The following PANK3 variants were observed in gnomAD, a reference collection of about 807,000 sequenced individuals.
PANK3 encodes hPanK3.
A neutral mutation model predicts 39.4 loss-of-function variants in PANK3; 20 were observed. That is an observed-to-expected ratio of 0.51 (90% CI 0.36 to 0.74). The LOEUF is 0.74. Among genes scored for constraint, PANK3 ranks in the 30% least tolerant of loss-of-function variants. The pLI is 0.00. For synonymous variants in PANK3, 140 were observed against 157.3 expected, an observed-to-expected ratio of 0.89 and a Z score of 0.82; for missense variants, 265 against 437.0, an observed-to-expected ratio of 0.61 and a Z score of 3.51.
Position 168,557,383 on chromosome 5 carries a change from CA to C in PANK3, c.*187del. 1.7e-6 allele frequency: 1 copy of C among 586,578 alleles called. No individual in the cohort carries two copies. Among genetic ancestry groups the C allele is most frequent in the East Asian group, 2.8e-5 (1 of 35,418 alleles). The allele number at this position is 586,578 out of a possible 1,614,324, so 36.3% of individuals were successfully genotyped here. ...TTAAGGATTTAACACTGGCTATATA[CA>C]AAAGGGAAAGCATTTCAATGAGAAA... On this transcript the variant is annotated 3_prime_UTR_variant, in exon 7 of 7. Coordinates refer to ENST00000239231, the MANE Select transcript of PANK3 (RefSeq NM_024594.4).
chr5:168,560,205 C>A lies in PANK3; in HGVS notation c.937-1048G>T, dbSNP rs1166226161. 3.9e-5 allele frequency among the ~76,000 whole-genome samples: 6 copies of A among 152,302 alleles called. No individual in the cohort carries two copies. In the East Asian group the frequency reaches 1.2e-3, roughly 29 times the overall value. Reference sequence around the variant, plus strand: ...ACTAGTAACTCCATCAACCAACTAACACTTAAGTTTCTAAGTTATTAAAAA... The same window carrying A: ...ACTAGTAACTCCATCAACCAACTAAAACTTAAGTTTCTAAGTTATTAAAAA... On this transcript the variant is annotated intron_variant, in intron 5 of 6. Coordinates refer to ENST00000239231, the MANE Select transcript of PANK3 (RefSeq NM_024594.4).
intron 1 of PANK3, among the ~76,000 whole-genome samples, chr5:168,570,719 C>T (rs987969926): frequency 3.9e-5 from 6 of 152,150 alleles, no homozygotes; most frequent in African/African-American, 1.4e-4. Context: ...AAGGACCTTG[C>T]ACACTTAGCT....
At position 168,566,053 on chromosome 5, in the gene PANK3, C is replaced by T; in HGVS notation, c.595G>A (p.Val199Ile). The T allele has an allele frequency of 6.2e-7, 1 of 1,613,626 alleles. No homozygotes were observed. The highest frequency in any genetic ancestry group is 8.5e-7 in the Non-Finnish European group (1 of 1,179,802). Reference sequence around the variant, plus strand: ...CGTTTATAGTTGTCTTTGGAATGGACTGCTAAAATACTGACTCCTGAGCCA... The same window carrying T: ...CGTTTATAGTTGTCTTTGGAATGGATTGCTAAAATACTGACTCCTGAGCCA... ...NIGSGVSILA[V>I]HSKDNYKRVT... Residue 199 changes from valine (V) to isoleucine (I), a missense_variant, in exon 3 of 7, where the codon GTC becomes ATC. By Grantham distance (29) the Val-to-Ile change is conservative (BLOSUM62 3). Transcript: ENST00000239231.
At chr5:168,566,480 GAGGA>G (rs1223497904) in intron 2 of PANK3, among the ~76,000 whole-genome samples, 1 of 152,168 alleles carries the variant, frequency 6.6e-6, no homozygotes, top group Admixed American at 6.5e-5. Context: ...AAATGATGGG[GAGGA>G]AGGAAGGACC....
At position 168,549,123 on chromosome 5, in the gene PANK3, C is replaced by T. The variant is rs1288892942; in HGVS notation, c.*8448G>A. On this transcript the variant is annotated 3_prime_UTR_variant, in exon 7 of 7. Transcript: ENST00000239231. ...CTGTAGTTTAAATAAAAAGTAAAAG[C>T]ACACAGTGTATAAAAAATAATAAAA... 2 of 152,126 alleles carry T rather than the reference C, an allele frequency of 1.3e-5. No individual in the cohort carries two copies. Among genetic ancestry groups the T allele is most frequent in the African/African-American group, 4.8e-5 (2 of 41,420 alleles). 9.4% of individuals were successfully genotyped at this position (152,126 alleles called of 1,614,324 possible).
Position 168,549,605 on chromosome 5 carries a change from C to A in PANK3, c.*7966G>T, listed in dbSNP as rs1044224497. ...ATTCACTCCTTTGAAAAATACATTCCTCTTTTGTTCTTTTAAATGCAAAAT... is the reference window on the plus strand; with the variant it reads ...ATTCACTCCTTTGAAAAATACATTCATCTTTTGTTCTTTTAAATGCAAAAT... On this transcript the variant is annotated 3_prime_UTR_variant, in exon 7 of 7. Coordinates refer to ENST00000239231, the MANE Select transcript of PANK3 (RefSeq NM_024594.4). 6.6e-6 allele frequency: 1 copy of A among 152,096 alleles called. No individual in the cohort carries two copies. The highest frequency in any genetic ancestry group is 1.5e-5 in the Non-Finnish European group (1 of 68,010). 9.4% of individuals were successfully genotyped at this position (152,096 alleles called of 1,614,324 possible).
At chr5:168,558,054 T>C (rs1400290183) in intron 6 of PANK3, among the ~76,000 whole-genome samples, 1 of 151,612 alleles carries the variant, frequency 6.6e-6, no homozygotes, top group Non-Finnish European at 1.5e-5. Context: ...TAACTTCCTG[T>C]GGCTGTGCCT....
chr5:168,564,459 G>T (rs903860964), intron 3 of PANK3, among the ~76,000 whole-genome samples: 1 of 152,096 alleles, frequency 6.6e-6, no homozygotes, highest in Non-Finnish European at 1.5e-5. Flanking sequence ...TTGAGACAAG[G>T]TCTCACTCTG....
At position 168,557,287 on chromosome 5, in the gene PANK3, T is replaced by A; in HGVS notation, c.*284A>T. ...AGATTTGTGTTTGAGCATACAGTAC[T>A]GCAATGTTGGCTACATAAAATAAAA... On this transcript the variant is annotated 3_prime_UTR_variant, in exon 7 of 7. Transcript: ENST00000239231. 3.1e-6 allele frequency: 1 copy of A among 322,830 alleles called. No individual in the cohort carries two copies. Among genetic ancestry groups the A allele is most frequent in the Non-Finnish European group, 5.9e-6 (1 of 170,232 alleles). The allele number at this position is 322,830 out of a possible 1,614,324, so 20.0% of individuals were successfully genotyped here. A position where few individuals can be genotyped will look rare whatever the true frequency, so the allele number is the denominator to read the frequency against.
At chr5:168,572,505 G>A (rs778978673) in intron 1 of PANK3, among the ~76,000 whole-genome samples, 9 of 150,000 alleles carry the variant, frequency 6.0e-5, no homozygotes, top group Non-Finnish European at 1.3e-4. Flanking sequence ...GGCAGGGGGT[G>A]GATCTCACAA....
chr5:168,579,345 A>C lies in PANK3; in HGVS notation c.-62T>G. ...CGGGGCACTGAGAGCAGAGGCGGCG[A>C]CTCCGGAGGTGGCTGGGCCGCGCGG... On this transcript the variant is annotated 5_prime_UTR_variant, in exon 1 of 7. Coordinates refer to ENST00000239231, the MANE Select transcript of PANK3 (RefSeq NM_024594.4). 7.4e-7 allele frequency: 1 copy of C among 1,359,470 alleles called. No individual in the cohort carries two copies. The highest frequency in any genetic ancestry group is 1.9e-5 in the South Asian group (1 of 52,620). The allele number at this position is 1,359,470 out of a possible 1,614,324, so 84.2% of individuals were successfully genotyped here. A position where few individuals can be genotyped will look rare whatever the true frequency, so the allele number is the denominator to read the frequency against.
chr5:168,554,533 A>C lies in PANK3; in HGVS notation c.*3038T>G, dbSNP rs1403668310. The C allele has an allele frequency of 1.3e-5, 2 of 152,248 alleles. No homozygotes were observed. The highest frequency in any genetic ancestry group is 2.9e-5 in the Non-Finnish European group (2 of 68,036). 9.4% of individuals were successfully genotyped at this position (152,248 alleles called of 1,614,324 possible). ...CAGTTTTCTTTACCTGAAGATATGA[A>C]TGTATGAATTATTAGAGTGGTTATT... On this transcript the variant is annotated 3_prime_UTR_variant, in exon 7 of 7. Coordinates refer to ENST00000239231, the MANE Select transcript of PANK3 (RefSeq NM_024594.4).
chr5:168,553,501 G>C lies in PANK3; in HGVS notation c.*4070C>G, dbSNP rs190856337. 76 of 354,830 alleles carry C rather than the reference G, an allele frequency of 2.1e-4. No homozygotes were observed. Among genetic ancestry groups the C allele is most frequent in the Admixed American group, 1.6e-3 (44 of 27,446 alleles). The allele number at this position is 354,830 out of a possible 1,614,324, so 22.0% of individuals were successfully genotyped here. A position where few individuals can be genotyped will look rare whatever the true frequency, so the allele number is the denominator to read the frequency against. ...GAAAGGAGCCAATCATATCACCATT[G>C]GGGAAGATGGCCACAGACAAGGGCC... On this transcript the variant is annotated 3_prime_UTR_variant, in exon 7 of 7. Coordinates refer to ENST00000239231, the MANE Select transcript of PANK3 (RefSeq NM_024594.4).
chr5:168,560,909 G>A (rs1759436432), intron 5 of PANK3: 2 of 512,642 alleles, frequency 3.9e-6, no homozygotes, highest in Non-Finnish European at 8.2e-6. Flanking sequence ...TGCCTTCATA[G>A]CCCTGTACAA....
intron 1 of PANK3, among the ~76,000 whole-genome samples, chr5:168,570,126 T>G (rs1452572749): frequency 6.6e-6 from 1 of 151,994 alleles, no homozygotes; most frequent in East Asian, 1.9e-4. Flanking sequence ...CTTACGCCTG[T>G]GATCCCAGCA....
At chr5:168,568,420 C>T (rs1205760824) in intron 2 of PANK3, among the ~76,000 whole-genome samples, 1 of 152,160 alleles carries the variant, frequency 6.6e-6, no homozygotes, top group Non-Finnish European at 1.5e-5. Flanking sequence ...CTTTGTAGTA[C>T]AGCCCTAAAC....
chr5:168,554,893 G>A lies in PANK3; in HGVS notation c.*2678C>T, dbSNP rs1243086973. ...TCAGAGTCTAAGTTATTTCATCACT[G>A]TACTTTGGTTAATGTGAACTATGAT... On this transcript the variant is annotated 3_prime_UTR_variant, in exon 7 of 7. Coordinates refer to ENST00000239231, the MANE Select transcript of PANK3 (RefSeq NM_024594.4). 2 of 152,174 alleles carry A rather than the reference G, an allele frequency of 1.3e-5. No homozygotes were observed. The highest frequency in any genetic ancestry group is 6.5e-5 in the Admixed American group (1 of 15,282). 9.4% of individuals were successfully genotyped at this position (152,174 alleles called of 1,614,324 possible).
Position 168,550,180 on chromosome 5 carries a change from A to T in PANK3, c.*7391T>A, listed in dbSNP as rs904152029. On this transcript the variant is annotated 3_prime_UTR_variant, in exon 7 of 7. Coordinates refer to ENST00000239231, the MANE Select transcript of PANK3 (RefSeq NM_024594.4). The stretch of plus-strand genomic sequence containing the variant: ...TAACGATATGTGGTACAATACTCTT[A>T]TTTGAGATATTAAACACTTCATTAT... The T allele has an allele frequency of 7.9e-5, 12 of 152,200 alleles. No individual in the cohort carries two copies. The highest frequency in any genetic ancestry group is 2.9e-4 in the African/African-American group (12 of 41,436). 9.4% of individuals were successfully genotyped at this position (152,200 alleles called of 1,614,324 possible). A position where few individuals can be genotyped will look rare whatever the true frequency, so the allele number is the denominator to read the frequency against.
intron 5 of PANK3, 49 bp from the exon 6 acceptor site, chr5:168,559,206 A>G: frequency 8.2e-7 from 1 of 1,225,002 alleles, no homozygotes. Context: ...TAGATTTTAC[A>G]ATATAAAAGG....
Sources: allele counts gnomAD v4.1 joint callset (sites outside exome capture counted in the v4.1 genomes callset), GRCh38; gene constraint gnomAD v4.1.1; transcripts MANE v1.5; gene names NCBI Gene and HGNC (gene_info 2026-07-23, HGNC 2026-07-21).